The following ZFHX3 variants were observed in gnomAD, a reference collection of about 807,000 sequenced individuals.
ZFHX3 encodes the protein zinc finger homeobox 3.
ZFHX3 carries 42 observed loss-of-function variants against 279.1 expected under a neutral mutation model. The observed-to-expected ratio is 0.15, with a 90% CI of 0.12 to 0.19. The LOEUF (loss-of-function observed/expected upper bound fraction) is 0.19. ZFHX3 is among the 10% of genes least tolerant of loss of function. The probability of loss-of-function intolerance (pLI) is 1.00; values close to 1 mark genes in which losing one functional copy is unlikely to be tolerated. For missense variants in ZFHX3, 4,981 were observed against 4,754.0 expected, an observed-to-expected ratio of 1.05 and a Z score of -1.40; for synonymous variants, 2,293 against 1,957.8, an observed-to-expected ratio of 1.17 and a Z score of -4.52.
Position 73,267,671 on chromosome 16 carries a change from G to A in ZFHX3, c.-1193-10535C>T, listed in dbSNP as rs866562205. Among the ~76,000 whole-genome samples, 5 of 152,236 alleles carry A rather than the reference G, an allele frequency of 3.3e-5. No homozygotes were observed. The South Asian group carries it at 1.0e-3, about 32-fold the overall frequency. On this transcript the variant is annotated intron_variant, in intron 4 of 17. Coordinates refer to the ZFHX3 transcript ENST00000641206. ...CCTCTGCCTGCCAAAGCCCTCCATGGGCAGCTTGGTCTAGCCTGGGGTAGC... is the reference window on the plus strand; with the variant it reads ...CCTCTGCCTGCCAAAGCCCTCCATGAGCAGCTTGGTCTAGCCTGGGGTAGC...
At chr16:73,846,742 A>C (rs542962728) in intron 1 of ZFHX3, among the ~76,000 whole-genome samples, 13 of 152,216 alleles carry the variant, frequency 8.5e-5, no homozygotes, top group Admixed American at 1.3e-4. Flanking sequence ...CAAATCTTTC[A>C]ATGTTGGTGG....
At chr16:73,433,623 A>G (rs1233720641) in intron 3 of ZFHX3, among the ~76,000 whole-genome samples, 3 of 152,174 alleles carry the variant, frequency 2.0e-5, no homozygotes, top group African/African-American at 7.2e-5. Flanking sequence ...GTTTGCATAC[A>G]CACAGGGGGA....
At chr16:72,946,491 T>A (rs1000070553) in intron 3 of ZFHX3, among the ~76,000 whole-genome samples, 1 of 152,176 alleles carries the variant, frequency 6.6e-6, no homozygotes, top group African/African-American at 2.4e-5. Context: ...GACTCTCAGG[T>A]GAAGAAAAAC....
intron 3 of ZFHX3, among the ~76,000 whole-genome samples, chr16:72,929,759 G>A (rs1959686860): frequency 1.3e-5 from 2 of 152,160 alleles, no homozygotes; most frequent in Non-Finnish European, 2.9e-5. Context: ...AGTGTGCACT[G>A]GGAGCAGAAA....
chr16:73,231,170 G>A (rs941165022), intron 5 of ZFHX3, among the ~76,000 whole-genome samples: 8 of 152,176 alleles, frequency 5.3e-5, no homozygotes, highest in African/African-American at 1.2e-4. Flanking sequence ...ACCACTCCCC[G>A]GGACACAGGT....
intron 2 of ZFHX3, among the ~76,000 whole-genome samples, chr16:73,617,687 G>C (rs1299011773): frequency 1.4e-5 from 2 of 145,146 alleles, no homozygotes; most frequent in Non-Finnish European, 3.0e-5. Flanking sequence ...TGTGTTTACA[G>C]GAGAAAATCA....
At chr16:73,448,437 G>A (rs927365666) in intron 3 of ZFHX3, among the ~76,000 whole-genome samples, 2 of 152,104 alleles carry the variant, frequency 1.3e-5, no homozygotes, top group African/African-American at 4.8e-5. Flanking sequence ...GGACTAAAAT[G>A]TCATTATAGA....
At chr16:73,448,764 A>T (rs1030621423) in intron 3 of ZFHX3, among the ~76,000 whole-genome samples, 12 of 144,786 alleles carry the variant, frequency 8.3e-5, no homozygotes, top group Admixed American at 1.4e-4. Context: ...CTATATATGA[A>T]TTTTTTCTGT....
intron 1 of ZFHX3, among the ~76,000 whole-genome samples, chr16:73,788,345 A>G (rs1373230918): frequency 6.6e-6 from 1 of 152,182 alleles, no homozygotes; most frequent in Non-Finnish European, 1.5e-5. Context: ...GCTTGGAGAG[A>G]ATAGTAGAGA....
intron 3 of ZFHX3, among the ~76,000 whole-genome samples, chr16:73,360,241 G>C (rs1416115992): frequency 6.6e-6 from 1 of 152,224 alleles, no homozygotes; most frequent in Non-Finnish European, 1.5e-5. Context: ...ACAACCGTGA[G>C]TTGCGTATAG....
intron 2 of ZFHX3, among the ~76,000 whole-genome samples, chr16:73,552,615 A>G (rs1385459027): frequency 2.0e-5 from 3 of 152,212 alleles, no homozygotes; most frequent in African/African-American, 4.8e-5. Flanking sequence ...GATGGGTTCT[A>G]TACAACCACA....
intron 5 of ZFHX3, among the ~76,000 whole-genome samples, chr16:73,252,570 G>T (rs557474908): frequency 6.7e-4 from 102 of 152,156 alleles, no homozygotes; most frequent in Non-Finnish European, 1.1e-3. Context: ...AGGGGCACTG[G>T]GAGTTTAAGT....
At chr16:73,469,271 C>A (rs1339827073) in intron 2 of ZFHX3, among the ~76,000 whole-genome samples, 1 of 152,164 alleles carries the variant, frequency 6.6e-6, no homozygotes, top group Non-Finnish European at 1.5e-5. Flanking sequence ...CAAGAGAACA[C>A]TGGTCCAAGA....
At chr16:73,436,924 C>T (rs748501339) in intron 3 of ZFHX3, among the ~76,000 whole-genome samples, 34 of 152,124 alleles carry the variant, frequency 2.2e-4, no homozygotes, top group Non-Finnish European at 3.5e-4. Context: ...TAAATCACAC[C>T]TTTCTTCCCT....
At chr16:73,599,230 G>C (rs564601391) in intron 2 of ZFHX3, among the ~76,000 whole-genome samples, 11 of 152,176 alleles carry the variant, frequency 7.2e-5, no homozygotes, top group Non-Finnish European at 1.6e-4. Flanking sequence ...ATTAGCCACG[G>C]GGGTGTCAGT....
chr16:73,456,738 C>A (rs903527027), intron 2 of ZFHX3, among the ~76,000 whole-genome samples: 1 of 152,192 alleles, frequency 6.6e-6, no homozygotes, highest in African/African-American at 2.4e-5. Flanking sequence ...GAGTGGGATC[C>A]AGATGCACCT....
chr16:73,457,089 TG>T (rs2018385047), intron 2 of ZFHX3, among the ~76,000 whole-genome samples: 4 of 152,356 alleles, frequency 2.6e-5, no homozygotes, highest in Middle Eastern at 6.8e-3. Flanking sequence ...CGGAGCCTTG[TG>T]CTTCTGAGCA....
At chr16:72,952,570 C>T (rs913829397) in intron 2 of ZFHX3, among the ~76,000 whole-genome samples, 3 of 152,132 alleles carry the variant, frequency 2.0e-5, no homozygotes, top group Non-Finnish European at 4.4e-5. Context: ...GTTTGCTGTG[C>T]CAGACAAGAG....
chr16:73,418,965 G>A (rs562075766), intron 3 of ZFHX3, among the ~76,000 whole-genome samples: 25 of 152,310 alleles, frequency 1.6e-4, no homozygotes, highest in African/African-American at 5.1e-4. Context: ...GAAATCTCGT[G>A]GAAGATTAAC....
Sources: allele counts gnomAD v4.1 joint callset (sites outside exome capture counted in the v4.1 genomes callset), GRCh38; gene constraint gnomAD v4.1.1; transcripts MANE v1.5; gene names NCBI Gene and HGNC (gene_info 2026-07-23, HGNC 2026-07-21).